NWD1: variants seen among roughly 807,000 people sequenced by gnomAD.
NWD1 encodes the protein NACHT and WD repeat domain containing 1.
Under a neutral mutation model 135.1 loss-of-function variants are expected in NWD1, and 129 were observed. The ratio of observed to expected loss-of-function variants is 0.96; its 90% CI spans 0.83 to 1.11. The LOEUF (loss-of-function observed/expected upper bound fraction) is 1.11, where lower values mean the gene tolerates loss of function less well. NWD1 is among the 50% of genes least tolerant of loss of function. The pLI is 0.00. For missense variants in NWD1, 1,740 were observed against 1,851.3 expected, an observed-to-expected ratio of 0.94 and a Z score of 1.10; for synonymous variants, 773 against 786.0, an observed-to-expected ratio of 0.98 and a Z score of 0.28.
chr19:16,753,732 TTGA>T (rs950938606), intron 6 of NWD1, among the ~76,000 whole-genome samples: 33 of 152,286 alleles, frequency 2.2e-4, no homozygotes, highest in African/African-American at 7.9e-4. Context: ...GCCCCAGATG[TTGA>T]TAGTGCAGAG....
intron 17 of NWD1, among the ~76,000 whole-genome samples, chr19:16,804,382 A>G (rs1970691005): frequency 6.6e-6 from 1 of 151,972 alleles, no homozygotes; most frequent in South Asian, 2.1e-4. Context: ...GAAGTTCGAG[A>G]CCAGAAGTTT....
At chr19:16,722,164 G>T (rs1175069874) in intron 1 of NWD1, among the ~76,000 whole-genome samples, 1 of 151,700 alleles carries the variant, frequency 6.6e-6, no homozygotes, top group Non-Finnish European at 1.5e-5. Context: ...TAGGCATGGT[G>T]GTGTGTGCCT....
At chr19:16,729,872 A>G (rs1967485324) in intron 2 of NWD1, among the ~76,000 whole-genome samples, 1 of 151,688 alleles carries the variant, frequency 6.6e-6, no homozygotes, top group Non-Finnish European at 1.5e-5. Context: ...TGTCTCAAAA[A>G]ATAAAAAAAG....
intron 6 of NWD1, 138 bp from the exon 7 acceptor site, chr19:16,759,087 G>T (rs1435283741): frequency 7.2e-6 from 5 of 696,738 alleles, no homozygotes; most frequent in Non-Finnish European, 7.8e-6. Flanking sequence ...TACCTTGTGG[G>T]CGCTGTCCAA....
Position 16,761,989 on chromosome 19 carries a change from G to A in NWD1, c.1984G>A (p.Glu662Lys), listed in dbSNP as rs769216804. 10 of 1,613,816 alleles carry A rather than the reference G, an allele frequency of 6.2e-6. No homozygotes were observed. Among genetic ancestry groups the A allele is most frequent in the Admixed American group, 1.7e-5 (1 of 59,932 alleles). Residue 662 changes from glutamate to lysine, a missense_variant, in exon 8 of 19, where the codon GAG becomes AAG. Physicochemically the swap from Glu to Lys is moderately conservative, Grantham distance 56 (BLOSUM62 1). Transcript: ENST00000524140. ...LLAIAHRQLV[E>K]VVRERYLSGS... ...ATACCCTCTCTGTAGACAGCTGGTC[G>A]AGGTGGTCCGTGAGCGCTACCTGTC...
chr19:16,764,601 C>A (rs947849445), intron 9 of NWD1, among the ~76,000 whole-genome samples: 7 of 152,090 alleles, frequency 4.6e-5, no homozygotes, highest in African/African-American at 1.7e-4. Context: ...GGTCATCCAT[C>A]CATCCATCCA....
At chr19:16,799,753 C>T (rs1970537343) in intron 16 of NWD1, 133 bp from the exon 17 acceptor site, 3 of 718,176 alleles carry the variant, frequency 4.2e-6, no homozygotes, top group South Asian at 4.2e-5. Context: ...GGTGATCCAC[C>T]TGCCTCAGCC....
chr19:16,779,739 T>G (rs1273899006), intron 12 of NWD1, among the ~76,000 whole-genome samples: 1 of 152,132 alleles, frequency 6.6e-6, no homozygotes, highest in Middle Eastern at 3.2e-3. Flanking sequence ...CTGGGCCAAG[T>G]GATCCTCCTG....
At chr19:16,799,806 C>A (rs1037379251) in intron 16 of NWD1, 80 bp from the exon 17 acceptor site, 44 of 1,378,824 alleles carry the variant, frequency 3.2e-5, no homozygotes, top group Admixed American at 6.7e-5. Flanking sequence ...CCGCGCCTGG[C>A]CCAATGGGCT....
At chr19:16,747,322 C>T (rs1968363463) in intron 5 of NWD1, among the ~76,000 whole-genome samples, 1 of 150,170 alleles carries the variant, frequency 6.7e-6, no homozygotes. Flanking sequence ...GGTATGAGCA[C>T]CCGCGCCTGG....
At position 16,795,573 on chromosome 19, in the gene NWD1, C is replaced by T. The variant is rs151133930; in HGVS notation, c.3304+1020C>T. On this transcript the variant is annotated intron_variant, in intron 15 of 18. Coordinates refer to ENST00000524140, the MANE Select transcript of NWD1 (RefSeq NM_001007525.5). The stretch of plus-strand genomic sequence containing the variant: ...CTGGGATTACAGGCACCTGCTACCA[C>T]GTCCCGCTAATTTTTGTATTTTTAG... Among the ~76,000 whole-genome samples the T allele has an allele frequency of 9.1e-3, 1,382 of 152,098 alleles. 27 individuals carry two copies. The highest frequency in any genetic ancestry group is 0.032 in the African/African-American group (1,315 of 41,490).
At chr19:16,754,909 ATGTC>A (rs1968729825) in intron 6 of NWD1, among the ~76,000 whole-genome samples, 1 of 152,044 alleles carries the variant, frequency 6.6e-6, no homozygotes, top group African/African-American at 2.4e-5. Flanking sequence ...CTATCTATCT[ATGTC>A]TATCTCTATA....
At chr19:16,785,518 T>A (rs1166061296) in intron 12 of NWD1, among the ~76,000 whole-genome samples, 4 of 148,076 alleles carry the variant, frequency 2.7e-5, no homozygotes, top group African/African-American at 7.7e-5. Context: ...CTCAAAAAAA[T>A]AAAATAAAAT....
intron 18 of NWD1, among the ~76,000 whole-genome samples, chr19:16,811,207 A>G (rs1445733893): frequency 1.3e-5 from 2 of 152,218 alleles, no homozygotes; most frequent in Non-Finnish European, 2.9e-5. Flanking sequence ...AGATTAGCAC[A>G]TAGCTTTTAA....
At chr19:16,735,707 G>T (rs1967767869) in intron 3 of NWD1, among the ~76,000 whole-genome samples, 1 of 151,922 alleles carries the variant, frequency 6.6e-6, no homozygotes, top group African/African-American at 2.4e-5. Flanking sequence ...GTGTGCGCCT[G>T]TAGTTCCAGC....
rs1389623521 is a variant in NWD1, at chr19:16,736,717, G to C, written c.165G>C (p.Arg55=). The part of the protein sequence containing the change: ...TTELCLEEVD[R]CWKTSIGPAF... ...AACTCTGCTTGGAGGAGGTTGACCG[G>C]TGTTGGAAAACATCCATAGGGCCAG... Residue 55 remains arginine (R), a synonymous_variant, in exon 4 of 19, where the codon CGG becomes CGC. Coordinates refer to ENST00000524140, the MANE Select transcript of NWD1 (RefSeq NM_001007525.5). The C allele has an allele frequency of 6.5e-7, 1 of 1,536,266 alleles. No homozygotes were observed. The highest frequency in any genetic ancestry group is 2.4e-5 in the East Asian group (1 of 40,916).
chr19:16,801,905 C>A (rs1375865357), intron 17 of NWD1, among the ~76,000 whole-genome samples: 1 of 151,974 alleles, frequency 6.6e-6, no homozygotes, highest in Non-Finnish European at 1.5e-5. Flanking sequence ...AACCTGACCC[C>A]AGCTACTCAG....
At chr19:16,740,642 ATTTTTT>A (rs1162769783) in intron 4 of NWD1, among the ~76,000 whole-genome samples, 6,693 of 112,846 alleles carry the variant, frequency 0.059, 198 homozygotes, top group Middle Eastern at 0.12. Context: ...CCAGACTTCT[ATTTTTT>A]TTTTTTTTTT....
intron 16 of NWD1, among the ~76,000 whole-genome samples, chr19:16,799,296 A>G (rs1599552430): frequency 6.6e-6 from 1 of 152,198 alleles, no homozygotes; most frequent in Admixed American, 6.5e-5. Flanking sequence ...CCCAGGTTCA[A>G]GTGAGTCTCC....
Sources: gnomAD v4.1 joint callset for allele counts (sites outside exome capture counted in the v4.1 genomes callset) on GRCh38, gnomAD v4.1.1 for gene constraint, MANE v1.5 for transcripts, NCBI Gene and HGNC (gene_info 2026-07-23, HGNC 2026-07-21) for gene names.